TMEM117: variants seen among roughly 807,000 people sequenced by gnomAD.
The protein encoded by TMEM117 is transmembrane protein 117.
In TMEM117, 27 loss-of-function variants were observed where a neutral mutation model predicts 52.4. That is an observed-to-expected ratio of 0.51 (90% CI 0.38 to 0.71). The LOEUF (loss-of-function observed/expected upper bound fraction) is 0.71, where lower values mean the gene tolerates loss of function less well. Among genes scored for constraint, TMEM117 ranks in the 30% least tolerant of loss-of-function variants. The pLI is 0.00. For synonymous variants in TMEM117, 215 were observed against 206.3 expected, an observed-to-expected ratio of 1.04 and a Z score of -0.36; for missense variants, 556 against 630.5, an observed-to-expected ratio of 0.88 and a Z score of 1.26.
chr12:44,243,802 G>T, intron 5 of TMEM117, among the ~76,000 whole-genome samples: 1 of 149,228 alleles, frequency 6.7e-6, no homozygotes, highest in African/African-American at 2.5e-5. Flanking sequence ...TCCCACCTCT[G>T]GCAACAATCT....
chr12:44,257,012 A>G (rs1005793225), intron 5 of TMEM117, among the ~76,000 whole-genome samples: 12 of 150,190 alleles, frequency 8.0e-5, no homozygotes, highest in African/African-American at 2.7e-4. Context: ...TATTCCTCCT[A>G]GTTAACCCTT....
intron 3 of TMEM117, among the ~76,000 whole-genome samples, chr12:44,080,166 C>T (rs1947458118): frequency 6.6e-6 from 1 of 152,058 alleles, no homozygotes; most frequent in African/African-American, 2.4e-5. Context: ...TCTGTTCTCA[C>T]ACTGCTAATA....
intron 3 of TMEM117, among the ~76,000 whole-genome samples, chr12:43,989,037 C>T (rs1945894646): frequency 6.6e-6 from 1 of 152,020 alleles, no homozygotes; most frequent in Non-Finnish European, 1.5e-5. Context: ...CAGTGAGAAA[C>T]TATCATTTTT....
chr12:43,903,811 C>G (rs948295870), intron 2 of TMEM117, among the ~76,000 whole-genome samples: 1 of 152,072 alleles, frequency 6.6e-6, no homozygotes, highest in Non-Finnish European at 1.5e-5. Flanking sequence ...GTTATCTGAC[C>G]TCTTGGAACA....
At chr12:44,019,547 TTTC>T (rs1565794661) in intron 3 of TMEM117, among the ~76,000 whole-genome samples, 1 of 152,174 alleles carries the variant, frequency 6.6e-6, no homozygotes, top group Non-Finnish European at 1.5e-5. Flanking sequence ...CATCTTCCTC[TTTC>T]TTCTTCTTCT....
chr12:44,200,555 C>T lies in TMEM117; in HGVS notation c.511-10735C>T, dbSNP rs182853427. Among the ~76,000 whole-genome samples the T allele has an allele frequency of 1.1e-4, 17 of 152,172 alleles. 1 individual carries two copies. The highest frequency in any genetic ancestry group is 1.5e-5 in the Non-Finnish European group (1 of 68,008). ...AAAAATCTGTGTTATTTTAAATGGG[C>T]CTCTTAGAAATCGCTTTAAATAACA... On this transcript the variant is annotated intron_variant, in intron 4 of 7. Transcript: ENST00000266534.
intron 4 of TMEM117, among the ~76,000 whole-genome samples, chr12:44,177,145 T>A (rs148729177): frequency 9.7e-4 from 148 of 152,236 alleles, no homozygotes; most frequent in African/African-American, 3.4e-3. Context: ...CAATTTACGG[T>A]GCAGTACCTA....
At chr12:43,949,364 C>T (rs184616298) in intron 3 of TMEM117, among the ~76,000 whole-genome samples, 2 of 152,272 alleles carry the variant, frequency 1.3e-5, no homozygotes, top group Admixed American at 6.5e-5. Context: ...CTGATTCTTC[C>T]CTTGGAGTGG....
At position 44,229,342 on chromosome 12, in the gene TMEM117, T is replaced by A. The variant is rs925516690; in HGVS notation, c.608+17955T>A. Among the ~76,000 whole-genome samples the A allele has an allele frequency of 4.6e-5, 7 of 152,254 alleles. 1 individual carries two copies. The highest frequency in any genetic ancestry group is 1.7e-4 in the African/African-American group (7 of 41,542). On this transcript the variant is annotated intron_variant, in intron 5 of 7. Coordinates refer to ENST00000266534, the MANE Select transcript of TMEM117 (RefSeq NM_032256.3). ...ATGTTACATGTTAGATTGAGATGCCTATTAAACATCATGTTAGAGATATTA... is the reference window on the plus strand; with the variant it reads ...ATGTTACATGTTAGATTGAGATGCCAATTAAACATCATGTTAGAGATATTA...
the TMEM117 span, among the ~76,000 whole-genome samples, chr12:43,819,186 T>C: frequency 6.6e-6 from 1 of 152,212 alleles, no homozygotes; most frequent in Non-Finnish European, 1.5e-5. Context: ...CCACTTTCTA[T>C]GATGTACTGT....
intron 4 of TMEM117, among the ~76,000 whole-genome samples, chr12:44,174,719 A>C (rs1949095179): frequency 6.6e-6 from 1 of 152,208 alleles, no homozygotes; most frequent in Non-Finnish European, 1.5e-5. Flanking sequence ...GGAGTTTACA[A>C]TTTGGCAGGG....
In TMEM117 at chr12:43,844,743, C is replaced by G; in HGVS notation, c.92C>G (p.Ala31Gly). The change falls in exon 2 of 8, where the codon GCG becomes GGG. Residue 31 changes from alanine to glycine, a missense_variant. By Grantham distance (60) the Ala-to-Gly change is moderately conservative. This residue lies in a region of TMEM117 where 328 missense variants were observed against 371.4 expected (regional missense o/e 0.88). Coordinates refer to ENST00000266534, the MANE Select transcript of TMEM117 (RefSeq NM_032256.3). Reference protein sequence around the residue: ...LVIFFNFLIFAEDPVSHSQTE... With the variant: ...LVIFFNFLIFGEDPVSHSQTE... ...ATCTTCTTTAACTTCTTAATATTTG[C>G]GGAGGACCCAGTTTCTCATAGCCAA... is the stretch of plus-strand genomic sequence containing the variant. The G allele has an allele frequency of 1.2e-6, 2 of 1,614,072 alleles. No homozygotes were observed. Among genetic ancestry groups the G allele is most frequent in the South Asian group, 2.2e-5 (2 of 91,086 alleles).
chr12:44,193,573 C>T (rs568638930), intron 4 of TMEM117, among the ~76,000 whole-genome samples: 2 of 151,994 alleles, frequency 1.3e-5, no homozygotes, highest in Non-Finnish European at 2.9e-5. Flanking sequence ...AGGCCAGGAA[C>T]CTTGAATAGC....
chr12:44,102,790 A>C (rs907289923), intron 3 of TMEM117, among the ~76,000 whole-genome samples: 1 of 151,996 alleles, frequency 6.6e-6, no homozygotes, highest in South Asian at 2.1e-4. Flanking sequence ...TGTAGTTTCC[A>C]TAATCCCCAC....
At chr12:44,103,391 C>A (rs1241407057) in intron 3 of TMEM117, among the ~76,000 whole-genome samples, 2 of 151,948 alleles carry the variant, frequency 1.3e-5, no homozygotes, top group African/African-American at 2.4e-5. Context: ...ACAGAATGCC[C>A]TGCTGAACTT....
At chr12:43,873,587 C>A (rs746169776) in intron 2 of TMEM117, among the ~76,000 whole-genome samples, 2 of 151,784 alleles carry the variant, frequency 1.3e-5, no homozygotes, top group Non-Finnish European at 2.9e-5. Context: ...GGAAAACATT[C>A]GTTAATTTTA....
chr12:44,066,715 G>A (rs1009284254), intron 3 of TMEM117, among the ~76,000 whole-genome samples: 5 of 152,190 alleles, frequency 3.3e-5, no homozygotes, highest in African/African-American at 1.2e-4. Flanking sequence ...AGCTGTCAGC[G>A]AATTGTAATC....
intron 5 of TMEM117, among the ~76,000 whole-genome samples, chr12:44,273,354 T>C (rs1407794091): frequency 1.3e-5 from 2 of 151,208 alleles, no homozygotes; most frequent in African/African-American, 4.9e-5. Context: ...ACCCTAGAAC[T>C]TAAAGTATAA....
chr12:44,306,326 G>T (rs1333613311), intron 6 of TMEM117, among the ~76,000 whole-genome samples: 1 of 152,030 alleles, frequency 6.6e-6, no homozygotes, highest in Non-Finnish European at 1.5e-5. Flanking sequence ...GAAAGTAGAT[G>T]ATAAACCTAG....
Sources: gnomAD v4.1 joint callset for allele counts (sites outside exome capture counted in the v4.1 genomes callset) on GRCh38, gnomAD v4.1.1 for gene constraint, gnomAD v4.1.1 regional missense constraint, MANE v1.5 for transcripts, NCBI Gene and HGNC (gene_info 2026-07-23, HGNC 2026-07-21) for gene names.